SLC26A7: variants seen among roughly 807,000 people sequenced by gnomAD.
The protein encoded by SLC26A7 is solute carrier family 26 member 7.
Under a neutral mutation model 82.5 loss-of-function variants are expected in SLC26A7, and 59 were observed. The observed-to-expected ratio is 0.72, with a 90% confidence interval of 0.58 to 0.89. The LOEUF (loss-of-function observed/expected upper bound fraction) is 0.89, where lower values mean the gene tolerates loss of function less well. Among genes scored for constraint, SLC26A7 ranks in the 40% least tolerant of loss-of-function variants. SLC26A7 has a pLI of 0.00. For synonymous variants in SLC26A7, 271 were observed against 274.3 expected (o/e 0.99, Z 0.12); for missense variants, 820 against 793.0 (o/e 1.03, Z -0.41).
Position 91,351,795 on chromosome 8 carries a change from T to C in SLC26A7, c.1141-15T>C. On this transcript the variant is annotated splice_polypyrimidine_tract_variant and intron_variant, in intron 9 of 18. Coordinates refer to ENST00000276609, the MANE Select transcript of SLC26A7 (RefSeq NM_052832.4). The stretch of plus-strand genomic sequence containing the variant: ...AGGCTTTCTTTTTCCTTTTTGTCTG[T>C]CTTGTATTTTACAGGTGGCTTGTCT... 3 of 1,584,856 alleles carry C rather than the reference T, an allele frequency of 1.9e-6. No individual in the cohort carries two copies. The highest frequency in any genetic ancestry group is 2.6e-6 in the Non-Finnish European group (3 of 1,154,800).
intron 15 of SLC26A7, among the ~76,000 whole-genome samples, chr8:91,375,315 A>C (rs1034792316): frequency 6.6e-6 from 1 of 152,104 alleles, no homozygotes; most frequent in African/African-American, 2.4e-5. Flanking sequence ...TCAAATGTGT[A>C]ATTGCTTTAT....
intron 10 of SLC26A7, 68 bp downstream of exon 10, chr8:91,351,955 T>C: frequency 8.1e-7 from 1 of 1,232,044 alleles, no homozygotes; most frequent in East Asian, 2.3e-5. Context: ...GCATATAAAA[T>C]TTCTTGGAAG....
intron 2 of SLC26A7, among the ~76,000 whole-genome samples, chr8:91,231,721 T>G (rs923284363): frequency 1.3e-5 from 2 of 152,276 alleles, no homozygotes; most frequent in Admixed American, 1.3e-4. Context: ...TAGGTTTGGT[T>G]TCTGATCTCC....
chr8:91,231,950 G>C (rs997401780), intron 2 of SLC26A7, among the ~76,000 whole-genome samples: 1 of 152,148 alleles, frequency 6.6e-6, no homozygotes, highest in South Asian at 2.1e-4. Context: ...ATGGGTCTTT[G>C]TGTCATTTTT....
At chr8:91,255,357 C>T (rs1440884748) in intron 2 of SLC26A7, among the ~76,000 whole-genome samples, 2 of 152,106 alleles carry the variant, frequency 1.3e-5, no homozygotes, top group African/African-American at 4.8e-5. Context: ...CTCCTGAGGG[C>T]AGCTTAGTGA....
intron 4 of SLC26A7, among the ~76,000 whole-genome samples, chr8:91,309,228 CATA>C (rs1812408112): frequency 6.6e-6 from 1 of 151,540 alleles, no homozygotes; most frequent in East Asian, 1.9e-4. Flanking sequence ...CTCTTGAGAT[CATA>C]ATAAAATATA....
intron 11 of SLC26A7, among the ~76,000 whole-genome samples, chr8:91,355,834 G>T (rs934755098): frequency 1.3e-5 from 2 of 151,996 alleles, no homozygotes; most frequent in East Asian, 3.9e-4. Flanking sequence ...CCATTAACTC[G>T]TCATTTAGCA....
chr8:91,275,412 C>T (rs1811381540), intron 2 of SLC26A7, among the ~76,000 whole-genome samples: 1 of 152,172 alleles, frequency 6.6e-6, no homozygotes, highest in African/African-American at 2.4e-5. Context: ...GATCCTCCCA[C>T]TTCCGTCTCC....
rs1231622915 is a variant in SLC26A7 at position 91,270,411 on chromosome 8, C to G, written c.194-18725C>G. On this transcript the variant is annotated intron_variant, in intron 2 of 18. Transcript: ENST00000276609. ...TGATCATTGGAACTTAAACACTGCA[C>G]TAGAACCAAAACACAGAGCTGCAGT... Among the ~76,000 whole-genome samples the G allele has an allele frequency of 3.3e-5, 5 of 152,256 alleles. No individual in the cohort carries two copies. The East Asian group carries it at 9.7e-4, about 29-fold the overall frequency.
intron 1 of SLC26A7, among the ~76,000 whole-genome samples, chr8:91,216,225 C>T (rs1407064969): frequency 6.6e-6 from 1 of 152,104 alleles, no homozygotes; most frequent in East Asian, 1.9e-4. Flanking sequence ...ATTAACTAAA[C>T]AATGTTTCCC....
At chr8:91,234,248 T>C (rs189428405) in intron 2 of SLC26A7, among the ~76,000 whole-genome samples, 222 of 152,240 alleles carry the variant, frequency 1.5e-3, no homozygotes, top group Non-Finnish European at 2.2e-3. Context: ...TATAACTTAA[T>C]TGGCTTTAAG....
intron 15 of SLC26A7, among the ~76,000 whole-genome samples, chr8:91,373,818 T>A (rs960983151): frequency 2.7e-4 from 41 of 151,972 alleles, no homozygotes; most frequent in African/African-American, 9.2e-4. Flanking sequence ...CTTCATTGTA[T>A]GTCTGGTAGA....
At chr8:91,238,410 G>A (rs1156259823) in intron 2 of SLC26A7, among the ~76,000 whole-genome samples, 1 of 151,882 alleles carries the variant, frequency 6.6e-6, no homozygotes, top group Non-Finnish European at 1.5e-5. Flanking sequence ...TTATTCTATA[G>A]CTAAAGTGGC....
exon 2 of SLC26A7, chr8:91,218,901 A>G: frequency 6.5e-7 from 1 of 1,547,130 alleles, no homozygotes; most frequent in Non-Finnish European, 8.7e-7. Flanking sequence ...ACTGGAAGAT[A>G]AGCAAGAATC....
At chr8:91,270,559 GT>G (rs1214448617) in intron 2 of SLC26A7, among the ~76,000 whole-genome samples, 1 of 152,114 alleles carries the variant, frequency 6.6e-6, no homozygotes, top group Non-Finnish European at 1.5e-5. Context: ...TCCAGCCAGG[GT>G]TTCAGGCCTC....
intron 1 of SLC26A7, among the ~76,000 whole-genome samples, chr8:91,210,460 C>G (rs556105909): frequency 1.1e-4 from 16 of 152,046 alleles, no homozygotes; most frequent in Admixed American, 2.0e-4. Context: ...TGAGGCTTTC[C>G]TTCTGTTGAC....
upstream of SLC26A7, among the ~76,000 whole-genome samples, chr8:91,245,946 C>T (rs535891747): frequency 5.3e-5 from 8 of 152,280 alleles, no homozygotes; most frequent in African/African-American, 1.2e-4. Context: ...TTATTTCTTC[C>T]GCATTTCCCA....
At chr8:91,286,313 T>C (rs1416579777) in intron 2 of SLC26A7, among the ~76,000 whole-genome samples, 1 of 152,212 alleles carries the variant, frequency 6.6e-6, no homozygotes, top group Non-Finnish European at 1.5e-5. Context: ...GATATGGGAA[T>C]CTAGAATTTC....
At chr8:91,345,032 T>C (rs976049964) in intron 9 of SLC26A7, among the ~76,000 whole-genome samples, 1 of 151,674 alleles carries the variant, frequency 6.6e-6, no homozygotes, top group Non-Finnish European at 1.5e-5. Flanking sequence ...AGCCTCAAAC[T>C]TGTGGTCTGA....
Sources: allele counts gnomAD v4.1 joint callset (sites outside exome capture counted in the v4.1 genomes callset), GRCh38; gene constraint gnomAD v4.1.1; transcripts MANE v1.5; gene names NCBI Gene and HGNC (gene_info 2026-07-23, HGNC 2026-07-21).